CEP126: variants seen among roughly 807,000 people sequenced by gnomAD.
The protein encoded by CEP126 is centrosomal protein 126.
A neutral mutation model predicts 107.8 loss-of-function variants in CEP126; 74 were observed. That is an observed-to-expected ratio of 0.69 (90% CI 0.57 to 0.83). CEP126 has a LOEUF of 0.83. Among genes scored for constraint, CEP126 ranks in the 40% least tolerant of loss-of-function variants. CEP126 has a pLI of 0.00. For missense variants in CEP126, 1,237 were observed against 1,281.9 expected, an observed-to-expected ratio of 0.96 and a Z score of 0.53; for synonymous variants, 449 against 446.0, an observed-to-expected ratio of 1.01 and a Z score of -0.08.
chr11:101,929,137 A>ATGC (rs1273395701), intron 2 of CEP126, among the ~76,000 whole-genome samples: 1 of 152,218 alleles, frequency 6.6e-6, no homozygotes, highest in Non-Finnish European at 1.5e-5. Context: ...ATCTACAAAC[A>ATGC]TGCTCATTGA....
At chr11:101,988,407 TAAAAG>T (rs1941338458) in intron 9 of CEP126, among the ~76,000 whole-genome samples, 1 of 152,072 alleles carries the variant, frequency 6.6e-6, no homozygotes, top group African/African-American at 2.4e-5. Context: ...ATATAGAGCT[TAAAAG>T]ACACAAAAGA....
At chr11:101,935,170 C>T (rs776632883) in intron 2 of CEP126, among the ~76,000 whole-genome samples, 2 of 151,456 alleles carry the variant, frequency 1.3e-5, no homozygotes, top group Non-Finnish European at 2.9e-5. Context: ...ATATTTTGTC[C>T]GTGTTTTAAG....
At chr11:101,989,850 C>A (rs1304632895) in intron 9 of CEP126, among the ~76,000 whole-genome samples, 1 of 152,048 alleles carries the variant, frequency 6.6e-6, no homozygotes, top group Non-Finnish European at 1.5e-5. Flanking sequence ...GCCCCAGCTA[C>A]TAGGGAGGCT....
intron 6 of CEP126, among the ~76,000 whole-genome samples, chr11:101,973,996 G>A (rs11225095): frequency 0.056 from 8,486 of 152,030 alleles, 461 homozygotes; most frequent in East Asian, 0.26. Flanking sequence ...TTTGTGATTG[G>A]TATTTTTACT....
intron 1 of CEP126, among the ~76,000 whole-genome samples, chr11:101,919,502 T>C (rs1402780653): frequency 6.6e-6 from 1 of 152,088 alleles, no homozygotes; most frequent in Non-Finnish European, 1.5e-5. Flanking sequence ...TAGCAGTGTT[T>C]TTTTTATGGA....
Position 101,944,281 on chromosome 11 carries a change from C to T in CEP126, c.265C>T (p.Arg89Ter), listed in dbSNP as rs374091656. 40 of 1,590,852 alleles carry T rather than the reference C, an allele frequency of 2.5e-5. No individual in the cohort carries two copies. The East Asian group carries it at 3.2e-4, about 13-fold the overall frequency. The change falls in exon 3 of 11, where the codon CGA becomes TGA. Residue 89 changes from arginine to a stop codon, truncating the protein, a stop_gained. Coordinates refer to ENST00000263468, the MANE Select transcript of CEP126 (RefSeq NM_020802.4). LOFTEE classifies it high-confidence loss of function. Reference protein sequence around the residue: ...NRRKKAFEEKRKEQEEKEHQI... With the variant: ...NRRKKAFEEK The stretch of plus-strand genomic sequence containing the variant: ...TAAATATAGAGCTTTTGAGGAGAAA[C>T]GAAAAGAACAGGAAGAAAAAGAACA...
intron 6 of CEP126, among the ~76,000 whole-genome samples, chr11:101,967,673 A>T (rs528170776): frequency 1.3e-5 from 2 of 152,258 alleles, no homozygotes; most frequent in African/African-American, 4.8e-5. Context: ...TCTCAAACCT[A>T]CATCAATGGG....
In CEP126 at chr11:101,999,389, G is replaced by A. The variant is rs954575856; in HGVS notation, c.*1746G>A. On this transcript the variant is annotated 3_prime_UTR_variant, in exon 11 of 11. Coordinates refer to ENST00000263468, the MANE Select transcript of CEP126 (RefSeq NM_020802.4). The stretch of plus-strand genomic sequence containing the variant: ...TCCTGCATGCCAAAGTAGCTTCACC[G>A]TTAGTAATCCCTCACTTTAATACCT... The A allele has an allele frequency of 3.4e-5, 5 of 147,608 alleles. No individual in the cohort carries two copies. Among genetic ancestry groups the A allele is most frequent in the African/African-American group, 1.3e-4 (5 of 39,952 alleles). The allele number at this position is 147,608 out of a possible 1,614,324, so 9.1% of individuals were successfully genotyped here. A position where few individuals can be genotyped will look rare whatever the true frequency, so the allele number is the denominator to read the frequency against.
intron 6 of CEP126, among the ~76,000 whole-genome samples, chr11:101,968,324 A>G (rs1941083725): frequency 6.6e-6 from 1 of 152,230 alleles, no homozygotes; most frequent in African/African-American, 2.4e-5. Context: ...TCCACCATTT[A>G]TCTCAACTCT....
intron 3 of CEP126, among the ~76,000 whole-genome samples, chr11:101,945,865 G>T (rs1338833193): frequency 3.3e-5 from 5 of 152,056 alleles, no homozygotes; most frequent in Non-Finnish European, 7.4e-5. Flanking sequence ...TTTAATGTGG[G>T]TATATTGCTA....
chr11:101,944,336 GA>G lies in CEP126; in HGVS notation c.324del (p.Lys108AsnfsTer33). The G allele has an allele frequency of 1.9e-6, 3 of 1,611,546 alleles. No individual in the cohort carries two copies. The highest frequency in any genetic ancestry group is 2.5e-6 in the Non-Finnish European group (3 of 1,178,992). ...HQIREQILQQRKQKFEEVTEK... is the reference protein window; with the variant it reads ...HQIREQILQQXKQKFEEVTEK... ...ATTAGAGAACAAATACTTCAACAAA[GA>G]AAACAGAAGTTTGAAGAAGTTACTG... is the stretch of plus-strand genomic sequence containing the variant. On this transcript the variant is annotated frameshift_variant, in exon 3 of 11. Coordinates refer to ENST00000263468, the MANE Select transcript of CEP126 (RefSeq NM_020802.4). LOFTEE classifies it high-confidence loss of function.
At chr11:101,949,157 C>T (rs1333289866) in intron 4 of CEP126, among the ~76,000 whole-genome samples, 2 of 152,158 alleles carry the variant, frequency 1.3e-5, no homozygotes, top group Non-Finnish European at 2.9e-5. Context: ...GCATGATATA[C>T]TCTAGGAGTA....
At chr11:101,985,992 C>CTTTT (rs1402873159) in intron 8 of CEP126, among the ~76,000 whole-genome samples, 4 of 98,046 alleles carry the variant, frequency 4.1e-5, no homozygotes, top group South Asian at 3.0e-4. Flanking sequence ...GAATTGATTT[C>CTTTT]TTTTTTTTTT....
Position 101,958,328 on chromosome 11 carries a change from C to G in CEP126, c.667C>G (p.Gln223Glu), listed in dbSNP as rs371714281. 6.9e-5 allele frequency: 112 copies of G among 1,613,820 alleles called. 3 individuals carry two copies. In the South Asian group the frequency reaches 9.7e-4, roughly 14 times the overall value. ...NVFQLKLEET[Q>E]KLLEDQHLSN... ...GTTCCAGCTTAAACTGGAGGAAACT[C>G]AGAAACTCCTCGAAGATCAACATCT... Residue 223 changes from glutamine (Q) to glutamate (E), a missense_variant, in exon 5 of 11, where the codon CAG becomes GAG. Physicochemically the swap from Gln to Glu is conservative, Grantham distance 29. Transcript: ENST00000263468.
At chr11:101,982,757 A>G (rs1246995335) in intron 8 of CEP126, among the ~76,000 whole-genome samples, 2 of 152,210 alleles carry the variant, frequency 1.3e-5, no homozygotes, top group East Asian at 3.8e-4. Context: ...GGTATTGGAT[A>G]TACATGTAGA....
Position 101,999,855 on chromosome 11 carries a change from G to A in CEP126, c.*2212G>A, listed in dbSNP as rs1474374859. 1 of 152,340 alleles carries A rather than the reference G, an allele frequency of 6.6e-6. No individual in the cohort carries two copies. Among genetic ancestry groups the A allele is most frequent in the African/African-American group, 2.4e-5 (1 of 41,404 alleles). 9.4% of individuals were successfully genotyped at this position (152,340 alleles called of 1,614,324 possible). A position where few individuals can be genotyped will look rare whatever the true frequency, so the allele number is the denominator to read the frequency against. On this transcript the variant is annotated 3_prime_UTR_variant, in exon 11 of 11. Coordinates refer to ENST00000263468, the MANE Select transcript of CEP126 (RefSeq NM_020802.4). ...GAGCCCAGGAGTTTGAGACCAGCCT[G>A]GGCAATGTAGCAAGACCCCATCTCT...
chr11:101,962,745 T>C lies in CEP126; in HGVS notation c.1710T>C (p.Asn570=). 1 of 1,609,576 alleles carries C rather than the reference T, an allele frequency of 6.2e-7. No individual in the cohort carries two copies. ...TGAAATACAACATCCATGAGAGAAATGGTGTGAGATTTCTTAAAAGTATTT... is the reference window on the plus strand; with the variant it reads ...TGAAATACAACATCCATGAGAGAAACGGTGTGAGATTTCTTAAAAGTATTT... ...KKMKYNIHER[N]GVRFLKSILK... is the part of the protein sequence containing the mutation. Residue 570 remains asparagine (N), a synonymous_variant, in exon 6 of 11, where the codon AAT becomes AAC. Transcript: ENST00000263468.
chr11:101,997,675 A>G lies in CEP126; in HGVS notation c.*32A>G. The G allele has an allele frequency of 6.2e-7, 1 of 1,613,764 alleles. No individual in the cohort carries two copies. The highest frequency in any genetic ancestry group is 1.3e-5 in the African/African-American group (1 of 75,046). On this transcript the variant is annotated 3_prime_UTR_variant, in exon 11 of 11. Coordinates refer to ENST00000263468, the MANE Select transcript of CEP126 (RefSeq NM_020802.4). The stretch of plus-strand genomic sequence containing the variant: ...CAGAATCCGTCTAAGAAGACCTTTC[A>G]TGTACTTCCCTAGGACTAGATGCAT...
rs547117454 is a variant in CEP126, at chr11:101,926,094, A to G, written c.248+3334A>G. Among the ~76,000 whole-genome samples the G allele has an allele frequency of 2.0e-5, 3 of 152,288 alleles. No homozygotes were observed. In the East Asian group the frequency reaches 5.8e-4, roughly 29 times the overall value. The stretch of plus-strand genomic sequence containing the variant: ...AAGGTTTCATATTCCGAAAGATAAA[A>G]CAATAAAAAACATGATTTCTGTCCT... On this transcript the variant is annotated intron_variant, in intron 2 of 10. Transcript: ENST00000263468.
Sources: allele counts gnomAD v4.1 joint callset (sites outside exome capture counted in the v4.1 genomes callset), GRCh38; gene constraint gnomAD v4.1.1; transcripts MANE v1.5; gene names NCBI Gene and HGNC (gene_info 2026-07-23, HGNC 2026-07-21).